The following LENG8 variants were observed in gnomAD, a reference collection of about 807,000 sequenced individuals.
The protein encoded by LENG8 is leukocyte receptor cluster member 8.
A neutral mutation model predicts 102.1 loss-of-function variants in LENG8; 28 were observed. That is an observed-to-expected ratio of 0.27 (90% CI 0.20 to 0.38). The LOEUF (loss-of-function observed/expected upper bound fraction) is 0.38. LENG8 is among the 10% of genes least tolerant of loss of function. LENG8 has a pLI of 1.00. For missense variants in LENG8, 1,022 were observed against 1,113.9 expected, an observed-to-expected ratio of 0.92 and a Z score of 1.17; for synonymous variants, 531 against 456.7, an observed-to-expected ratio of 1.16 and a Z score of -2.07.
Position 54,451,403 on chromosome 19 carries a change from G to A in LENG8, c.38+21G>A, listed in dbSNP as rs746160535. ...GATTGGTTAGTGAGGCGAGAGGGAT[G>A]GAGGCCAGTCGGGAGGGAAAGAGGA... is the stretch of plus-strand genomic sequence containing the variant. On this transcript the variant is annotated intron_variant, in intron 2 of 15. Transcript: ENST00000326764. The A allele has an allele frequency of 2.5e-6, 4 of 1,613,328 alleles. No individual in the cohort carries two copies. In the South Asian group the frequency reaches 4.4e-5, roughly 18 times the overall value.
chr19:54,451,978 T>G, intron 2 of LENG8, 115 bp from the exon 3 acceptor site: 1 of 948,104 alleles, frequency 1.1e-6, no homozygotes, highest in Non-Finnish European at 1.6e-6. Context: ...AACTTAGGCT[T>G]AGACTGGTAG....
rs1468889877 is a variant in LENG8, at chr19:54,456,425, C to T, written c.1405C>T (p.His469Tyr). The T allele has an allele frequency of 8.1e-6, 13 of 1,609,570 alleles. No individual in the cohort carries two copies. Among genetic ancestry groups the T allele is most frequent in the Non-Finnish European group, 8.5e-6 (10 of 1,179,770 alleles). Residue 469 changes from histidine to tyrosine, a missense_variant, in exon 10 of 16, where the codon CAT (histidine) becomes TAT (tyrosine). By Grantham distance (83) the His-to-Tyr change is moderately conservative (BLOSUM62 2). Transcript: ENST00000326764. ...TAAGGGCCGGGGCGGTCGAGGGGCC[C>T]ATATGGATCGGGGCCGAGGCAGGGC... ...PPKGRGGRGA[H>Y]MDRGRGRAQR...
At chr19:54,460,511 GC>G in intron 15 of LENG8, 6 of 1,376,908 alleles carry the variant, frequency 4.4e-6, no homozygotes, top group Non-Finnish European at 5.6e-6. Flanking sequence ...GCCCTTCCCT[GC>G]CCGTCCCCGC....
At chr19:54,460,635 G>T in intron 15 of LENG8, 131 bp from the exon 16 acceptor site, 1 of 1,435,356 alleles carries the variant, frequency 7.0e-7, no homozygotes, top group South Asian at 1.5e-5. Flanking sequence ...CTGGGAGGCG[G>T]GTGGGGAGCC....
At position 54,452,114 on chromosome 19, in the gene LENG8, G is replaced by C; in HGVS notation, c.60G>C (p.Val20=). 1 of 1,614,012 alleles carries C rather than the reference G, an allele frequency of 6.2e-7. No individual in the cohort carries two copies. Among genetic ancestry groups the C allele is most frequent in the Non-Finnish European group, 8.5e-7 (1 of 1,179,928 alleles). Residue 20 remains valine (V), a synonymous_variant, in exon 3 of 16, where the codon GTG becomes GTC. Coordinates refer to ENST00000326764, the MANE Select transcript of LENG8 (RefSeq NM_052925.4). ...GCAGGTCTTCTCAGTACAGCATGGTGGCTGGGGCAGGCCGAGAGAATGGCA... is the reference window on the plus strand; with the variant it reads ...GCAGGTCTTCTCAGTACAGCATGGTCGCTGGGGCAGGCCGAGAGAATGGCA... ...STDWSSQYSM[V]AGAGRENGME... is the part of the protein sequence containing the mutation.
At chr19:54,454,316 C>A in intron 5 of LENG8, 114 bp from the exon 6 acceptor site, 2 of 1,074,274 alleles carry the variant, frequency 1.9e-6, no homozygotes, top group Non-Finnish European at 2.7e-6. Context: ...GGGAAGGTCA[C>A]GGGAGGGTTG....
rs754920356 is a variant in LENG8, at chr19:54,461,621, AT to A, written c.*702del. 148 of 470,804 alleles carry A rather than the reference AT, an allele frequency of 3.1e-4. 2 individuals carry two copies. The highest frequency in any genetic ancestry group is 1.8e-3 in the East Asian group (26 of 14,356). 29.2% of individuals were successfully genotyped at this position (470,804 alleles called of 1,614,324 possible). Reference sequence around the variant, plus strand: ...CCCTCTGCCCCCAGTGTTTCTTCTGATTTTTTTTTCCCCTTTCCCTCCCTCC... The same window carrying A: ...CCCTCTGCCCCCAGTGTTTCTTCTGATTTTTTTTCCCCTTTCCCTCCCTCC... On this transcript the variant is annotated 3_prime_UTR_variant, in exon 16 of 16. Coordinates refer to ENST00000326764, the MANE Select transcript of LENG8 (RefSeq NM_052925.4).
At position 54,461,315 on chromosome 19, in the gene LENG8, A is replaced by G; in HGVS notation, c.*387A>G. The G allele has an allele frequency of 2.2e-6, 1 of 462,512 alleles. No individual in the cohort carries two copies. The highest frequency in any genetic ancestry group is 4.3e-6 in the Non-Finnish European group (1 of 233,700). 28.7% of individuals were successfully genotyped at this position (462,512 alleles called of 1,614,324 possible). ...ATGCCGGGGGGCCAGTGGAAAGAAG[A>G]CAGGCCGTCCAGCCCGTGCCCGCCT... On this transcript the variant is annotated 3_prime_UTR_variant, in exon 16 of 16. Coordinates refer to ENST00000326764, the MANE Select transcript of LENG8 (RefSeq NM_052925.4).
Position 54,461,299 on chromosome 19 carries a change from G to A in LENG8, c.*371G>A, listed in dbSNP as rs1569311883. The A allele has an allele frequency of 6.4e-6, 3 of 467,566 alleles. No individual in the cohort carries two copies. The highest frequency in any genetic ancestry group is 1.6e-5 in the South Asian group (1 of 63,032). 29.0% of individuals were successfully genotyped at this position (467,566 alleles called of 1,614,324 possible). ...CGCCCTGGCCCATCCCATGCCGGGG[G>A]GCCAGTGGAAAGAAGACAGGCCGTC... On this transcript the variant is annotated 3_prime_UTR_variant, in exon 16 of 16. Transcript: ENST00000326764.
chr19:54,450,031 C>T (rs2083883176), intron 1 of LENG8, among the ~76,000 whole-genome samples: 1 of 152,220 alleles, frequency 6.6e-6, no homozygotes, highest in South Asian at 2.1e-4. Flanking sequence ...AATTATCCTA[C>T]TTATCAGTTA....
At chr19:54,458,734 C>T (rs1022133437) in intron 15 of LENG8, 5 of 1,551,354 alleles carry the variant, frequency 3.2e-6, no homozygotes, top group Non-Finnish European at 4.4e-6. Context: ...CACTCCTCTC[C>T]CTCTCCCCAC....
At chr19:54,455,701 G>T (rs1415068303) in intron 8 of LENG8, 134 bp downstream of exon 8, 14 of 935,272 alleles carry the variant, frequency 1.5e-5, no homozygotes, top group Admixed American at 4.4e-5. Context: ...TGGATCCTGG[G>T]GGGATGAAGT....
intron 1 of LENG8, 71 bp from the exon 2 acceptor site, chr19:54,451,219 T>A: frequency 9.9e-7 from 1 of 1,010,242 alleles, no homozygotes; most frequent in Non-Finnish European, 1.6e-6. Context: ...GTCCATCTAC[T>A]TTTCTTCCCC....
intron 1 of LENG8, among the ~76,000 whole-genome samples, chr19:54,451,060 C>T (rs1569287678): frequency 1.3e-5 from 2 of 152,246 alleles, no homozygotes; most frequent in East Asian, 3.9e-4. Flanking sequence ...TCCCTGTTTC[C>T]AAATCCTTCG....
At position 54,453,598 on chromosome 19, in the gene LENG8, A is replaced by G. The variant is rs756951411; in HGVS notation, c.368A>G (p.Tyr123Cys). Residue 123 changes from tyrosine (Y) to cysteine (C), a missense_variant, in exon 5 of 16, where the codon TAT (tyrosine) becomes TGT (cysteine). This residue lies in a region of LENG8 where 343 missense variants were observed against 320.2 expected (regional missense o/e 1.07). Coordinates refer to ENST00000326764, the MANE Select transcript of LENG8 (RefSeq NM_052925.4). ...TCCCAGTATGGGATGGCCGGCTCCT[A>G]TGGCTCAGCCACACCCCAGCAGCCA... is the stretch of plus-strand genomic sequence containing the variant. Reference protein sequence around the residue: ...SPSQYGMAGSYGSATPQQPSA... With the variant: ...SPSQYGMAGSCGSATPQQPSA... 6.2e-7 allele frequency: 1 copy of G among 1,613,986 alleles called. No individual in the cohort carries two copies. Among genetic ancestry groups the G allele is most frequent in the Non-Finnish European group, 8.5e-7 (1 of 1,179,996 alleles).
chr19:54,460,012 C>T (rs1465960891), intron 15 of LENG8: 11 of 1,257,734 alleles, frequency 8.7e-6, no homozygotes, highest in Non-Finnish European at 1.1e-5. Flanking sequence ...GGTGGGGCGC[C>T]AGTCTGTCAT....
intron 15 of LENG8, chr19:54,459,089 G>A: frequency 7.2e-7 from 1 of 1,384,092 alleles, no homozygotes; most frequent in South Asian, 1.9e-5. Flanking sequence ...CGCCTGGCTT[G>A]CTGTGGGTGG....
chr19:54,461,027 G>T lies in LENG8; in HGVS notation c.*99G>T. On this transcript the variant is annotated 3_prime_UTR_variant, in exon 16 of 16. Coordinates refer to ENST00000326764, the MANE Select transcript of LENG8 (RefSeq NM_052925.4). ...GTGGACTTGGGTTGTAAATTTATTT[G>T]TGGGGAGTGCGCTCCAGGAAGAGCC... The T allele has an allele frequency of 1.3e-6, 2 of 1,511,478 alleles. No homozygotes were observed. The highest frequency in any genetic ancestry group is 1.4e-5 in the African/African-American group (1 of 72,584). The allele number at this position is 1,511,478 out of a possible 1,614,324, so 93.6% of individuals were successfully genotyped here.
In LENG8 at chr19:54,460,574, T is replaced by G. The variant is rs1052668306; in HGVS notation, c.2241-192T>G. On this transcript the variant is annotated intron_variant, in intron 15 of 15. Coordinates refer to ENST00000326764, the MANE Select transcript of LENG8 (RefSeq NM_052925.4). The stretch of plus-strand genomic sequence containing the variant: ...TGAGGGTGAGGGGGGCACAGGGGAC[T>G]GGGGTCACTAACCCCCCCCGGGCCC... The G allele has an allele frequency of 3.3e-4, 468 of 1,408,244 alleles. 3 individuals carry two copies. In the African/African-American group the frequency reaches 6.3e-3, roughly 19 times the overall value. 87.2% of individuals were successfully genotyped at this position (1,408,244 alleles called of 1,614,324 possible).
Sources: allele counts gnomAD v4.1 joint callset (sites outside exome capture counted in the v4.1 genomes callset), GRCh38; gene constraint gnomAD v4.1.1; regional missense constraint gnomAD v4.1.1; transcripts MANE v1.5; gene names NCBI Gene and HGNC (gene_info 2026-07-23, HGNC 2026-07-21).